The following SCRIB variants were observed in gnomAD, a reference collection of about 807,000 sequenced individuals.
SCRIB encodes protein scribble homolog.
A neutral mutation model predicts 170.0 loss-of-function variants in SCRIB; 72 were observed. That is an observed-to-expected ratio of 0.42 (90% CI 0.35 to 0.52). The LOEUF (loss-of-function observed/expected upper bound fraction) is 0.52, where lower values mean the gene tolerates loss of function less well. Ranked by LOEUF, SCRIB falls within the 20% of genes least tolerant of loss-of-function variation. SCRIB has a pLI of 0.02. For missense variants in SCRIB, 2,475 were observed against 2,338.5 expected, an observed-to-expected ratio of 1.06 and a Z score of -1.20; for synonymous variants, 1,298 against 1,044.3, an observed-to-expected ratio of 1.24 and a Z score of -4.68.
Position 143,803,526 on chromosome 8 carries a change from C to T in SCRIB, c.3460G>A (p.Gly1154Ser). 1 of 1,604,480 alleles carries T rather than the reference C, an allele frequency of 6.2e-7. No homozygotes were observed. Residue 1154 changes from glycine to serine, a missense_variant, in exon 24 of 37, where the codon GGT (glycine) becomes AGT (serine). This residue lies in a region of SCRIB where 1,966 missense variants were observed against 1,742.9 expected (regional missense o/e 1.13). Transcript: ENST00000356994. ...TGGTTCACCTCCAACAGCCGCAAACCCACACGCAGCCGACCGTCGCGCCCG... is the reference window on the plus strand; with the variant it reads ...TGGTTCACCTCCAACAGCCGCAAACTCACACGCAGCCGACCGTCGCGCCCG... ...AAGRDGRLRVGLRLLEVNQQS... is the reference protein window; with the variant it reads ...AAGRDGRLRVSLRLLEVNQQS...
chr8:143,794,544 C>T (rs1262739432), intron 27 of SCRIB, among the ~76,000 whole-genome samples: 1 of 152,152 alleles, frequency 6.6e-6, no homozygotes, highest in Non-Finnish European at 1.5e-5. Context: ...CCTCGGCACT[C>T]ACGTTCGGTG....
At position 143,791,238 on chromosome 8, in the gene SCRIB, AG is replaced by A; in HGVS notation, c.4892del (p.Pro1631LeufsTer13). The A allele has an allele frequency of 6.7e-7, 1 of 1,489,002 alleles. No individual in the cohort carries two copies. Among genetic ancestry groups the A allele is most frequent in the Non-Finnish European group, 8.9e-7 (1 of 1,118,634 alleles). The allele number at this position is 1,489,002 out of a possible 1,614,324, so 92.2% of individuals were successfully genotyped here. A position where few individuals can be genotyped will look rare whatever the true frequency, so the allele number is the denominator to read the frequency against. Reference sequence around the variant, plus strand: ...GGCTGCTGCACAGTGCCACATCTTCAGGGCCCACAGCGCCGGGTGAGGGCCT... The same window carrying A: ...GGCTGCTGCACAGTGCCACATCTTCAGGCCCACAGCGCCGGGTGAGGGCCT... ...LGRPSPGAVG[P>X]EDVALCSSRR... On this transcript the variant is annotated frameshift_variant, in exon 37 of 37. Transcript: ENST00000356994. LOFTEE classifies it high-confidence loss of function.
Position 143,812,868 on chromosome 8 carries a change from T to A in SCRIB, c.736A>T (p.Thr246Ser). ...PAELGGLVLLTDLLLSQNLLR... is the reference protein window; with the variant it reads ...PAELGGLVLLSDLLLSQNLLR... ...AGGTTCTGGGACAGCAGCAGGTCAG[T>A]GAGCAGCACCAGCCCGCCGAGCTCA... Residue 246 changes from threonine (T) to serine (S), a missense_variant, in exon 8 of 37, where the codon ACT (threonine) becomes TCT (serine). Thr to Ser is a moderately conservative substitution (Grantham distance 58). This residue lies in a region of SCRIB where 487 missense variants were observed against 558.1 expected (regional missense o/e 0.87). Transcript: ENST00000356994. 1.2e-6 allele frequency: 2 copies of A among 1,607,724 alleles called. No individual in the cohort carries two copies. Among genetic ancestry groups the A allele is most frequent in the Middle Eastern group, 1.6e-4 (1 of 6,062 alleles).
intron 1 of SCRIB, chr8:143,814,959 G>A (rs1355529847): frequency 1.8e-5 from 9 of 501,180 alleles, no homozygotes; most frequent in Non-Finnish European, 3.2e-5. Flanking sequence ...AATCCCCACG[G>A]GTTTCACTCT....
intron 15 of SCRIB, among the ~76,000 whole-genome samples, chr8:143,807,903 C>T (rs1815502099): frequency 1.3e-5 from 2 of 152,290 alleles, no homozygotes; most frequent in South Asian, 4.1e-4. Context: ...AGAGTGTCAT[C>T]AAGGGCAGGG....
chr8:143,810,973 ATCC>A lies in SCRIB; in HGVS notation c.1203_1205del (p.Glu401del). ...GCACCTTCTCGCCGGTCCGGGCATC[ATCC>A]TCCGTCTGGAACCGGAGCATGGGCT... On this transcript the variant is annotated inframe_deletion, in exon 11 of 37. Coordinates refer to ENST00000356994, the MANE Select transcript of SCRIB (RefSeq NM_182706.5). 6.2e-7 allele frequency: 1 copy of A among 1,611,816 alleles called. No homozygotes were observed. The highest frequency in any genetic ancestry group is 8.5e-7 in the Non-Finnish European group (1 of 1,179,522).
rs1815354631 is a variant in SCRIB, at chr8:143,805,023, G to A, written c.2671-9C>T. On this transcript the variant is annotated splice_polypyrimidine_tract_variant and intron_variant, in intron 19 of 36. Coordinates refer to ENST00000356994, the MANE Select transcript of SCRIB (RefSeq NM_182706.5). The stretch of plus-strand genomic sequence containing the variant: ...CGGGAGACGAAGATGCCCTGCAGGG[G>A]AGGGTGGAGGAGGCAGGGCTGCCGG... 6.3e-7 allele frequency: 1 copy of A among 1,585,712 alleles called. No homozygotes were observed. The highest frequency in any genetic ancestry group is 8.6e-7 in the Non-Finnish European group (1 of 1,169,054).
At chr8:143,812,132 A>T in intron 9 of SCRIB, 134 bp downstream of exon 9, 2 of 737,510 alleles carry the variant, frequency 2.7e-6, no homozygotes, top group Non-Finnish European at 5.0e-6. Context: ...CTCTGACAAG[A>T]GAAGAGCCCT....
Position 143,791,106 on chromosome 8 carries a change from G to T in SCRIB, c.*57C>A. ...CCCAGGTTAAAAGACTTGGGGCAAGGGTGGTGCTGGAGCTGGCAGGGCCCC... is the reference window on the plus strand; with the variant it reads ...CCCAGGTTAAAAGACTTGGGGCAAGTGTGGTGCTGGAGCTGGCAGGGCCCC... On this transcript the variant is annotated 3_prime_UTR_variant, in exon 37 of 37. Transcript: ENST00000356994. 7.3e-7 allele frequency: 1 copy of T among 1,376,146 alleles called. No individual in the cohort carries two copies. Among genetic ancestry groups the T allele is most frequent in the East Asian group, 2.8e-5 (1 of 35,612 alleles). The allele number at this position is 1,376,146 out of a possible 1,614,324, so 85.2% of individuals were successfully genotyped here. A position where few individuals can be genotyped will look rare whatever the true frequency, so the allele number is the denominator to read the frequency against.
intron 24 of SCRIB, among the ~76,000 whole-genome samples, chr8:143,800,226 C>G (rs1554634735): frequency 1.3e-5 from 2 of 152,192 alleles, no homozygotes; most frequent in Non-Finnish European, 2.9e-5. Flanking sequence ...ATGGGCTGAA[C>G]CAACCCTACT....
In SCRIB at chr8:143,812,377, C is replaced by G. The variant is rs778777343; in HGVS notation, c.795G>C (p.Leu265=). The G allele has an allele frequency of 6.2e-7, 1 of 1,611,730 alleles. No homozygotes were observed. Among genetic ancestry groups the G allele is most frequent in the East Asian group, 2.2e-5 (1 of 44,886 alleles). ...LRRLPDGIGQ[L]KQLSILKVDQ... is the part of the protein sequence containing the mutation. ...CTACCTTTAGGATGGATAGCTGCTT[C>G]AGCTGACCTGGCGTCGGGGAGACAG... The change falls in exon 9 of 37, where the codon CTG becomes CTC. Residue 265 remains leucine, a synonymous_variant. Transcript: ENST00000356994.
chr8:143,813,025 C>G lies in SCRIB; in HGVS notation c.642+5G>C. ...AAGCAGGGGGCCAGCCCCACCCTGA[C>G]TCACCGGGGGCAGTGCTGACAGCTG... On this transcript the variant is annotated splice_donor_5th_base_variant and intron_variant, in intron 7 of 36. Coordinates refer to ENST00000356994, the MANE Select transcript of SCRIB (RefSeq NM_182706.5). 2 of 1,603,606 alleles carry G rather than the reference C, an allele frequency of 1.2e-6. No individual in the cohort carries two copies. Among genetic ancestry groups the G allele is most frequent in the Non-Finnish European group, 1.7e-6 (2 of 1,176,166 alleles).
At chr8:143,807,218 G>C (rs896984704) in intron 16 of SCRIB, among the ~76,000 whole-genome samples, 1 of 152,248 alleles carries the variant, frequency 6.6e-6, no homozygotes, top group Non-Finnish European at 1.5e-5. Flanking sequence ...CTGCTCTGCA[G>C]AGCGTGGTGG....
rs921233213 is a variant in SCRIB, at chr8:143,791,124, A to C, written c.*39T>G. 7.9e-5 allele frequency: 109 copies of C among 1,385,420 alleles called. No individual in the cohort carries two copies. The highest frequency in any genetic ancestry group is 2.6e-4 in the Middle Eastern group (1 of 3,898). 85.8% of individuals were successfully genotyped at this position (1,385,420 alleles called of 1,614,324 possible). The stretch of plus-strand genomic sequence containing the variant: ...GGGCAAGGGTGGTGCTGGAGCTGGC[A>C]GGGCCCCCACCCCAAGTCTGGGGGA... On this transcript the variant is annotated 3_prime_UTR_variant, in exon 37 of 37. Transcript: ENST00000356994.
rs781908250 is a variant in SCRIB, at chr8:143,803,998, C to T, written c.3120+48G>A. ...AGGCCGCGCTGACCTGCGCTGGTAC[C>T]TGGGATGGGTGCACCTCTCACAGAA... On this transcript the variant is annotated intron_variant, in intron 22 of 36. Transcript: ENST00000356994. The T allele has an allele frequency of 1.4e-5, 22 of 1,575,998 alleles. No individual in the cohort carries two copies. In the Admixed American group the frequency reaches 2.0e-4, roughly 14 times the overall value.
chr8:143,791,930 C>T lies in SCRIB; in HGVS notation c.4658-17G>A, dbSNP rs1340240021. The T allele has an allele frequency of 1.1e-5, 16 of 1,512,846 alleles. No homozygotes were observed. The highest frequency in any genetic ancestry group is 4.7e-5 in the East Asian group (2 of 42,974). The allele number at this position is 1,512,846 out of a possible 1,614,324, so 93.7% of individuals were successfully genotyped here. ...GGCCGAGGTCTGGGGGGACAAGAAG[C>T]GGGCATTGGAAGCAGCCCATGCGGC... On this transcript the variant is annotated splice_polypyrimidine_tract_variant and intron_variant, in intron 33 of 36. Transcript: ENST00000356994.
chr8:143,811,266 G>C lies in SCRIB; in HGVS notation c.986C>G (p.Pro329Arg). Reference protein sequence around the residue: ...VDRNHLEALPPEIGGCVALSV... With the variant: ...VDRNHLEALPREIGGCVALSV... ...GAGTGCCACACAGCCCCCGATCTCG[G>C]GCGGCAGCGCCTCGAGGTGGTTCCG... Residue 329 changes from proline (P) to arginine (R), a missense_variant, in exon 10 of 37, where the codon CCC (proline) becomes CGC (arginine). Pro to Arg is a moderately radical substitution (Grantham distance 103). Coordinates refer to ENST00000356994, the MANE Select transcript of SCRIB (RefSeq NM_182706.5). 1 of 1,612,262 alleles carries C rather than the reference G, an allele frequency of 6.2e-7. No individual in the cohort carries two copies. Among genetic ancestry groups the C allele is most frequent in the Non-Finnish European group, 8.5e-7 (1 of 1,179,684 alleles).
Position 143,812,808 on chromosome 8 carries a change from C to T in SCRIB, c.787+9G>A. The T allele has an allele frequency of 6.3e-7, 1 of 1,596,586 alleles. No individual in the cohort carries two copies. The highest frequency in any genetic ancestry group is 8.5e-7 in the Non-Finnish European group (1 of 1,177,294). On this transcript the variant is annotated intron_variant, in intron 8 of 36. Coordinates refer to ENST00000356994, the MANE Select transcript of SCRIB (RefSeq NM_182706.5). ...TGTGCCCCACCCAGGCACCCCCAGG[C>T]ACACTAACCGATGCCGTCGGGCAGC... is the stretch of plus-strand genomic sequence containing the variant.
chr8:143,808,775 T>C lies in SCRIB; in HGVS notation c.1949A>G (p.His650Arg). ...VAPGGWHNGPHAPWAPRAQKE... is the reference protein window; with the variant it reads ...VAPGGWHNGPRAPWAPRAQKE... ...CTGGGCCCGAGGAGCCCAGGGTGCGTGGGGGCCATTGTGCCAGCCCCCGGG... is the reference window on the plus strand; with the variant it reads ...CTGGGCCCGAGGAGCCCAGGGTGCGCGGGGGCCATTGTGCCAGCCCCCGGG... The change falls in exon 15 of 37, where the codon CAC becomes CGC. Residue 650 changes from histidine (H) to arginine (R), a missense_variant. His to Arg is a conservative substitution (Grantham distance 29). Coordinates refer to ENST00000356994, the MANE Select transcript of SCRIB (RefSeq NM_182706.5). The C allele has an allele frequency of 1.2e-6, 2 of 1,610,824 alleles. No homozygotes were observed. The highest frequency in any genetic ancestry group is 4.5e-5 in the East Asian group (2 of 44,834).
Sources: allele counts gnomAD v4.1 joint callset (sites outside exome capture counted in the v4.1 genomes callset), GRCh38; gene constraint gnomAD v4.1.1; regional missense constraint gnomAD v4.1.1; transcripts MANE v1.5; gene names NCBI Gene and HGNC (gene_info 2026-07-23, HGNC 2026-07-21).